The following CLSPN variants were observed in gnomAD, a reference collection of about 807,000 sequenced individuals.
CLSPN encodes the protein claspin, also known as claspin homolog.
CLSPN carries 85 observed loss-of-function variants against 156.3 expected under a neutral mutation model. That is an observed-to-expected ratio of 0.54 (90% CI 0.46 to 0.65). The LOEUF (loss-of-function observed/expected upper bound fraction) is 0.65. Among genes scored for constraint, CLSPN ranks in the 30% least tolerant of loss-of-function variants. The probability of loss-of-function intolerance (pLI) is 0.00; values close to 1 mark genes in which losing one functional copy is unlikely to be tolerated. For missense variants in CLSPN, 1,407 were observed against 1,554.9 expected (o/e 0.90, Z 1.60); for synonymous variants, 534 against 542.4 (o/e 0.98, Z 0.22).
intron 18 of CLSPN, among the ~76,000 whole-genome samples, chr1:35,741,923 G>A (rs191579445): frequency 1.0e-4 from 13 of 127,084 alleles, no homozygotes; most frequent in Non-Finnish European, 1.7e-4. Flanking sequence ...GCAGTGAGCC[G>A]AGATCATGCC....
At chr1:35,730,567 T>TA (rs56320150), downstream of CLSPN, among the ~76,000 whole-genome samples, 9,206 of 61,698 alleles carry the variant, frequency 0.15, 732 homozygotes, top group African/African-American at 0.22. Context: ...GAATCCATAT[T>TA]AAAAAAAAAA....
Position 35,769,894 on chromosome 1 carries a change from A to C in CLSPN, c.-24T>G, listed in dbSNP as rs1344854772. The C allele has an allele frequency of 2.5e-6, 4 of 1,607,838 alleles. No individual in the cohort carries two copies. The East Asian group carries it at 9.0e-5, about 36-fold the overall frequency. On this transcript the variant is annotated 5_prime_UTR_variant, in exon 1 of 25. Coordinates refer to ENST00000318121, the MANE Select transcript of CLSPN (RefSeq NM_022111.4). ...ATGACTTCTGCCTCCCCTGCGCTCC[A>C]CTAGGGACGGAGCTGTCTCTGATTC... is the stretch of plus-strand genomic sequence containing the variant.
In CLSPN at chr1:35,761,176, C is replaced by T; in HGVS notation, c.924G>A (p.Met308Ile). The T allele has an allele frequency of 6.2e-7, 1 of 1,613,182 alleles. No homozygotes were observed. The highest frequency in any genetic ancestry group is 8.5e-7 in the Non-Finnish European group (1 of 1,179,204). Residue 308 changes from methionine to isoleucine, a missense_variant, in exon 7 of 25, where the codon ATG becomes ATA. Physicochemically the swap from Met to Ile is conservative, Grantham distance 10. This residue lies in a region of CLSPN where 1,096 missense variants were observed against 1,193.0 expected (regional missense o/e 0.92). Transcript: ENST00000318121. ...RESALNLPYH[M>I]PENKTIHDFF... ...AATCATGAATGGTTTTATTCTCAGGCATATGATATGGAAGGTTCAGTGCAG... is the reference window on the plus strand; with the variant it reads ...AATCATGAATGGTTTTATTCTCAGGTATATGATATGGAAGGTTCAGTGCAG...
At chr1:35,737,225 C>T in intron 23 of CLSPN, 114 bp downstream of exon 23, 2 of 1,277,494 alleles carry the variant, frequency 1.6e-6, no homozygotes, top group Non-Finnish European at 1.1e-6. Flanking sequence ...TTGACATTAA[C>T]TTTTTCCCTG....
In CLSPN at chr1:35,748,018, G is replaced by A. The variant is rs1460510381; in HGVS notation, c.2516C>T (p.Ser839Phe). ...LSEPSLPIED[S>F]QDLYNASPEP... ...TGGGGAGGCGTTATACAGATCCTGG[G>A]AATCCTCTATGGGAAGTGAAGGCTC... Residue 839 changes from serine (S) to phenylalanine (F), a missense_variant, in exon 14 of 25, where the codon TCC becomes TTC. By Grantham distance (155) the Ser-to-Phe change is radical (BLOSUM62 -2). Coordinates refer to ENST00000318121, the MANE Select transcript of CLSPN (RefSeq NM_022111.4). 3 of 1,614,160 alleles carry A rather than the reference G, an allele frequency of 1.9e-6. No individual in the cohort carries two copies. Among genetic ancestry groups the A allele is most frequent in the Non-Finnish European group, 2.5e-6 (3 of 1,180,024 alleles).
chr1:35,765,335 T>G lies in CLSPN; in HGVS notation c.25-9A>C. 1 of 1,583,394 alleles carries G rather than the reference T, an allele frequency of 6.3e-7. No individual in the cohort carries two copies. The highest frequency in any genetic ancestry group is 8.7e-7 in the Non-Finnish European group (1 of 1,153,014). Reference sequence around the variant, plus strand: ...TTGATTTCTAGGTGAACCTAGAAAATGACAATATACTTTATATCAACCAGC... The same window carrying G: ...TTGATTTCTAGGTGAACCTAGAAAAGGACAATATACTTTATATCAACCAGC... On this transcript the variant is annotated splice_polypyrimidine_tract_variant and intron_variant, in intron 1 of 24. Transcript: ENST00000318121.
chr1:35,733,641 TA>T lies in CLSPN; in HGVS notation c.*2854del, dbSNP rs1641376350. On this transcript the variant is annotated 3_prime_UTR_variant, in exon 25 of 25. Transcript: ENST00000318121. ...AAAACATGTATCTTGAACCCATGGA[TA>T]AAATGAAGTACATACAAACTTAGCT... is the stretch of plus-strand genomic sequence containing the variant. 19 of 985,242 alleles carry T rather than the reference TA, an allele frequency of 1.9e-5. No homozygotes were observed. The highest frequency in any genetic ancestry group is 6.2e-5 in the Admixed American group (1 of 16,260). The allele number at this position is 985,242 out of a possible 1,614,324, so 61.0% of individuals were successfully genotyped here.
At chr1:35,744,808 T>C (rs547854933) in intron 16 of CLSPN, among the ~76,000 whole-genome samples, 1 of 152,286 alleles carries the variant, frequency 6.6e-6, no homozygotes, top group Admixed American at 6.5e-5. Context: ...CATATGGTCA[T>C]TCTATTTTTA....
At chr1:35,738,157 T>C (rs1442785319) in intron 21 of CLSPN, 60 bp from the exon 22 acceptor site, 2 of 711,300 alleles carry the variant, frequency 2.8e-6, no homozygotes, top group Non-Finnish European at 4.0e-6. Flanking sequence ...TAAAAGTCTA[T>C]AACCTTCCTA....
chr1:35,752,511 G>C (rs1642124686), intron 9 of CLSPN, among the ~76,000 whole-genome samples: 1 of 143,708 alleles, frequency 7.0e-6, no homozygotes, highest in Non-Finnish European at 1.5e-5. Context: ...CCAGGAGGTA[G>C]AGGTTGCAGT....
intron 9 of CLSPN, 60 bp downstream of exon 9, chr1:35,753,684 CT>C: frequency 6.8e-7 from 1 of 1,474,580 alleles, no homozygotes; most frequent in East Asian, 2.3e-5. Context: ...TTTCAATAGC[CT>C]TGAAGATCTG....
In CLSPN at chr1:35,749,740, A is replaced by G; in HGVS notation, c.2100T>C (p.Asn700=). The change falls in exon 11 of 25, where the codon AAT becomes AAC. Residue 700 remains asparagine (N), a synonymous_variant. Coordinates refer to ENST00000318121, the MANE Select transcript of CLSPN (RefSeq NM_022111.4). Reference sequence around the variant, plus strand: ...CCTTGCCAATTTCACTACTGCCATCATTATTTTCTTTATCCATTTCTTTTT... The same window carrying G: ...CCTTGCCAATTTCACTACTGCCATCGTTATTTTCTTTATCCATTTCTTTTT... ...KDEKEMDKEN[N]DGSSEIGKAV... 1 of 1,614,050 alleles carries G rather than the reference A, an allele frequency of 6.2e-7. No individual in the cohort carries two copies. The highest frequency in any genetic ancestry group is 1.1e-5 in the South Asian group (1 of 91,072).
chr1:35,763,334 T>A lies in CLSPN; in HGVS notation c.583-13A>T, dbSNP rs1318221908. 1 of 1,553,696 alleles carries A rather than the reference T, an allele frequency of 6.4e-7. No individual in the cohort carries two copies. Among genetic ancestry groups the A allele is most frequent in the Non-Finnish European group, 8.6e-7 (1 of 1,158,044 alleles). ...CTACATCATCTTCCTAAGTAATACA[T>A]AAACAAAAAGCATAATCCAATCATT... On this transcript the variant is annotated splice_polypyrimidine_tract_variant and intron_variant, in intron 3 of 24. Transcript: ENST00000318121.
rs928347995 is a variant in CLSPN at position 35,746,083 on chromosome 1, T to A, written c.2855-521A>T. Among the ~76,000 whole-genome samples the A allele has an allele frequency of 6.6e-6, 1 of 151,268 alleles. No individual in the cohort carries two copies. The highest frequency in any genetic ancestry group is 2.4e-5 in the African/African-American group (1 of 41,142). ...GTCTCAGCCTCCCAAGTAGCTGCGA[T>A]TACAGGCACGGGCCACCATGCCCAG... On this transcript the variant is annotated intron_variant, in intron 15 of 24. Transcript: ENST00000318121. The surrounding 1 kb of genome is among the most constrained non-coding windows in gnomAD (Gnocchi z 4.2).
At chr1:35,751,139 C>G in intron 10 of CLSPN, 111 bp downstream of exon 10, 1 of 1,385,694 alleles carries the variant, frequency 7.2e-7, no homozygotes, top group Non-Finnish European at 9.7e-7. Flanking sequence ...CTCATCATGC[C>G]CCTAAAACCT....
At chr1:35,720,361 A>G (rs912293606) in exon 25 of CLSPN, 1 of 150,854 alleles carries the variant, frequency 6.6e-6, no homozygotes, top group Admixed American at 6.6e-5. Flanking sequence ...TCTACATCAG[A>G]TCCTGTGGCC....
chr1:35,749,582 G>C (rs773373424), intron 11 of CLSPN, 51 bp from the exon 12 acceptor site: 8 of 1,613,756 alleles, frequency 5.0e-6, no homozygotes, highest in African/African-American at 1.3e-5. Flanking sequence ...AGTTTTTACA[G>C]GAGGGGCAAA....
At chr1:35,722,404 G>A (rs1032435986) in intron 24 of CLSPN, among the ~76,000 whole-genome samples, 11 of 151,620 alleles carry the variant, frequency 7.3e-5, no homozygotes, top group African/African-American at 9.7e-5. Context: ...ACAGGTGCCC[G>A]CCACCTGGTG....
At position 35,733,241 on chromosome 1, in the gene CLSPN, TACAGGCATAA is replaced by T. The variant is rs1641360323; in HGVS notation, c.*3245_*3254del. Among the ~76,000 whole-genome samples, 1 of 151,988 alleles carries T rather than the reference TACAGGCATAA, an allele frequency of 6.6e-6. No homozygotes were observed. Among genetic ancestry groups the T allele is most frequent in the Admixed American group, 6.6e-5 (1 of 15,258 alleles). On this transcript the variant is annotated 3_prime_UTR_variant, in exon 25 of 25. Transcript: ENST00000318121. ...CCTCAGCCTCCCAAAGTGCTGAGAT[TACAGGCATAA>T]GCCACCACGCCCAGCCCAGAAACCA... is the stretch of plus-strand genomic sequence containing the variant.
Sources: allele counts gnomAD v4.1 joint callset (sites outside exome capture counted in the v4.1 genomes callset), GRCh38; gene constraint gnomAD v4.1.1; regional missense constraint gnomAD v4.1.1; non-coding constraint Gnocchi (gnomAD v3.1); transcripts MANE v1.5; gene names NCBI Gene and HGNC (gene_info 2026-07-23, HGNC 2026-07-21).